The following FER1L6 variants were observed in gnomAD, a reference collection of about 807,000 sequenced individuals.
FER1L6 encodes the protein fer-1-like protein 6.
In FER1L6, 177 loss-of-function variants were observed where a neutral mutation model predicts 219.2. The ratio of observed to expected loss-of-function variants is 0.81; its 90% CI spans 0.71 to 0.91. FER1L6 has a LOEUF of 0.91. FER1L6 is among the 40% of genes least tolerant of loss of function. The pLI, the probability that FER1L6 is intolerant of heterozygous loss-of-function variation, is 0.00. For synonymous variants in FER1L6, 768 were observed against 824.3 expected (o/e 0.93, Z 1.17); for missense variants, 2,153 against 2,259.9 (o/e 0.95, Z 0.96).
intron 5 of FER1L6, among the ~76,000 whole-genome samples, chr8:123,966,544 T>C (rs1815550191): frequency 1.3e-5 from 2 of 152,230 alleles, no homozygotes; most frequent in African/African-American, 4.8e-5. Flanking sequence ...CGTTTTCTTA[T>C]TTATTATCAG....
intron 1 of FER1L6, among the ~76,000 whole-genome samples, chr8:123,930,095 G>T (rs189035060): frequency 6.6e-6 from 1 of 152,164 alleles, no homozygotes; most frequent in Admixed American, 6.5e-5. Flanking sequence ...TTGCCCAAAG[G>T]TAACATAGAA....
chr8:123,881,537 C>T (rs1173290621), intron 1 of FER1L6, among the ~76,000 whole-genome samples: 2 of 152,136 alleles, frequency 1.3e-5, no homozygotes, highest in Non-Finnish European at 1.5e-5. Flanking sequence ...AATAAGTGGG[C>T]CTTTTGTCCA....
intron 31 of FER1L6, among the ~76,000 whole-genome samples, chr8:124,074,571 G>A (rs953172079): frequency 6.6e-6 from 1 of 151,408 alleles, no homozygotes; most frequent in African/African-American, 2.4e-5. Flanking sequence ...AGGATCACTT[G>A]AGCCTGGGAG....
chr8:123,919,662 G>T (rs990432189), intron 1 of FER1L6, among the ~76,000 whole-genome samples: 1 of 152,168 alleles, frequency 6.6e-6, no homozygotes, highest in Non-Finnish European at 1.5e-5. Flanking sequence ...TTAAAAGACA[G>T]GAAAAAAGTC....
intron 5 of FER1L6, among the ~76,000 whole-genome samples, chr8:123,967,695 C>T (rs1204196630): frequency 6.6e-6 from 1 of 152,186 alleles, no homozygotes; most frequent in African/African-American, 2.4e-5. Flanking sequence ...CAGTGGCTCA[C>T]ACCTGTAATC....
chr8:124,053,083 A>C (rs73328363), intron 22 of FER1L6, among the ~76,000 whole-genome samples: 2,780 of 152,264 alleles, frequency 0.018, 89 homozygotes, highest in African/African-American at 0.055. Context: ...ATGCTAACTG[A>C]ATTGGATTCA....
At chr8:123,917,825 A>G (rs1279406233) in intron 1 of FER1L6, among the ~76,000 whole-genome samples, 1 of 152,236 alleles carries the variant, frequency 6.6e-6, no homozygotes, top group African/African-American at 2.4e-5. Context: ...AACATTATCA[A>G]CATACACAGG....
chr8:123,938,541 ATTTTTTTTTT>A (rs11301898), intron 1 of FER1L6, among the ~76,000 whole-genome samples: 3 of 93,668 alleles, frequency 3.2e-5, no homozygotes, highest in African/African-American at 1.2e-4. Flanking sequence ...TTTACCTGAA[ATTTTTTTTTT>A]TTTTTTTTTT....
At chr8:123,881,468 A>G (rs1586437483) in intron 1 of FER1L6, among the ~76,000 whole-genome samples, 1 of 152,304 alleles carries the variant, frequency 6.6e-6, no homozygotes, top group East Asian at 1.9e-4. Context: ...ATTTAGTCCG[A>G]GTGAAGAGTG....
Position 124,061,754 on chromosome 8 carries a change from G to A in FER1L6, c.3148-98G>A, listed in dbSNP as rs184988475. ...AGGACTGGCCAGGAGGGACAGAATG[G>A]CAAGGCAGAGACAAGGGAGACTGGA... On this transcript the variant is annotated intron_variant, in intron 24 of 40. Transcript: ENST00000522917. 3,080 of 1,204,496 alleles carry A rather than the reference G, an allele frequency of 2.6e-3. 19 individuals are homozygous for A. The highest frequency in any genetic ancestry group is 2.2e-3 in the Non-Finnish European group (1,858 of 838,172). 74.6% of individuals were successfully genotyped at this position (1,204,496 alleles called of 1,614,324 possible).
In FER1L6 at chr8:123,895,547, G is replaced by T. The variant is rs973146167; in HGVS notation, c.-8+43362G>T. 8.5e-5 allele frequency among the ~76,000 whole-genome samples: 13 copies of T among 152,156 alleles called. No individual in the cohort carries two copies. In the East Asian group the frequency reaches 9.6e-4, roughly 11 times the overall value. On this transcript the variant is annotated intron_variant, in intron 1 of 40. Coordinates refer to ENST00000522917, the MANE Select transcript of FER1L6 (RefSeq NM_001039112.2). ...TGTAGTAACTTGCCCACAGCTCGTA[G>T]GTCGCGGAGTTGGGTTGTCTGGGTT...
intron 2 of FER1L6, among the ~76,000 whole-genome samples, chr8:123,960,520 T>C (rs1203108297): frequency 6.6e-6 from 1 of 152,198 alleles, no homozygotes; most frequent in Non-Finnish European, 1.5e-5. Flanking sequence ...CTTCCTAGAC[T>C]AGTGTGTCAC....
At chr8:124,085,823 G>T (rs1821764768) in intron 33 of FER1L6, among the ~76,000 whole-genome samples, 1 of 152,096 alleles carries the variant, frequency 6.6e-6, no homozygotes, top group Non-Finnish European at 1.5e-5. Context: ...ATTGGGTGTT[G>T]AAATCTCCAG....
At chr8:124,106,852 G>A (rs1211614161) in intron 39 of FER1L6, among the ~76,000 whole-genome samples, 1 of 151,668 alleles carries the variant, frequency 6.6e-6, no homozygotes, top group African/African-American at 2.4e-5. Flanking sequence ...GTCTAATGTG[G>A]TACGTAGCAC....
intron 18 of FER1L6, among the ~76,000 whole-genome samples, chr8:124,032,350 G>A (rs563690401): frequency 7.9e-5 from 12 of 152,154 alleles, no homozygotes; most frequent in African/African-American, 1.4e-4. Flanking sequence ...ACTTGAACCC[G>A]GGAGGCAGAG....
In FER1L6 at chr8:123,977,443, T is replaced by A; in HGVS notation, c.897T>A (p.Cys299Ter). The A allele has an allele frequency of 6.2e-7, 1 of 1,614,090 alleles. No individual in the cohort carries two copies. Among genetic ancestry groups the A allele is most frequent in the Non-Finnish European group, 8.5e-7 (1 of 1,179,990 alleles). ...GGCGAACCACAGTGCAGAAGAACTG[T>A]GCTGATCCTGTGTGGCATGAACAGG... ...QMGRTTVQKN[C>*]ADPVWHEQVI... Residue 299 changes from cysteine (C) to a stop codon, truncating the protein, a stop_gained, in exon 10 of 41, where the codon TGT becomes TGA. Coordinates refer to ENST00000522917, the MANE Select transcript of FER1L6 (RefSeq NM_001039112.2). LOFTEE classifies it high-confidence loss of function.
Position 123,966,233 on chromosome 8 carries a change from G to A in FER1L6, c.327G>A (p.Gly109=), listed in dbSNP as rs769079713. The part of the protein sequence containing the change: ...NIDPVVTIEI[G]DEKKQSTVKE... ...ACCCAGTTGTGACCATTGAGATTGG[G>A]GATGAGAAGAAGCAAAGCACAGTGA... Residue 109 remains glycine, a synonymous_variant, in exon 5 of 41, where the codon GGG becomes GGA. Transcript: ENST00000522917. 2 of 1,614,076 alleles carry A rather than the reference G, an allele frequency of 1.2e-6. No individual in the cohort carries two copies. Among genetic ancestry groups the A allele is most frequent in the South Asian group, 2.2e-5 (2 of 91,066 alleles).
intron 1 of FER1L6, among the ~76,000 whole-genome samples, chr8:123,900,713 T>C (rs986061121): frequency 3.3e-5 from 5 of 152,160 alleles, no homozygotes; most frequent in African/African-American, 1.2e-4. Context: ...AATCATAAAG[T>C]GGTACTGGAT....
intron 39 of FER1L6, among the ~76,000 whole-genome samples, chr8:124,114,287 CAGAGTTGGTATA>C (rs1253335587): frequency 5.9e-5 from 9 of 151,596 alleles, no homozygotes; most frequent in African/African-American, 2.2e-4. Flanking sequence ...TTTTAGAATT[CAGAGTTGGTATA>C]AGAGTCATCT....
Sources: gnomAD v4.1 joint callset for allele counts (sites outside exome capture counted in the v4.1 genomes callset) on GRCh38, gnomAD v4.1.1 for gene constraint, MANE v1.5 for transcripts, NCBI Gene and HGNC (gene_info 2026-07-23, HGNC 2026-07-21) for gene names.